Variants in TMTC2 observed in about 807,000 individuals in gnomAD.
The protein encoded by TMTC2 is protein O-mannosyl-transferase TMTC2.
A neutral mutation model predicts 82.4 loss-of-function variants in TMTC2; 43 were observed. The ratio of observed to expected loss-of-function variants is 0.52; its 90% confidence interval spans 0.41 to 0.67. The LOEUF is 0.67. Among genes scored for constraint, TMTC2 ranks in the 30% least tolerant of loss-of-function variants. The probability of loss-of-function intolerance (pLI) is 0.00; values close to 1 mark genes in which losing one functional copy is unlikely to be tolerated. For synonymous variants in TMTC2, 408 were observed against 381.9 expected, an observed-to-expected ratio of 1.07 and a Z score of -0.80; for missense variants, 919 against 1,012.4, an observed-to-expected ratio of 0.91 and a Z score of 1.25.
rs148879450 is a variant in TMTC2, at chr12:82,956,982, G to A, written c.1599-8042G>A. ...TGACAATGTTAGACAGATCATTGAGGCAGAAAACTAATAAATTCTGGACTT... is the reference window on the plus strand; with the variant it reads ...TGACAATGTTAGACAGATCATTGAGACAGAAAACTAATAAATTCTGGACTT... On this transcript the variant is annotated intron_variant, in intron 4 of 11. Coordinates refer to ENST00000321196, the MANE Select transcript of TMTC2 (RefSeq NM_152588.3). 3.1e-3 allele frequency among the ~76,000 whole-genome samples: 466 copies of A among 152,222 alleles called. 3 individuals are homozygous for A. The highest frequency in any genetic ancestry group is 0.011 in the African/African-American group (443 of 41,528).
At chr12:82,828,854 A>G (rs1869590656) in intron 1 of TMTC2, among the ~76,000 whole-genome samples, 1 of 152,132 alleles carries the variant, frequency 6.6e-6, no homozygotes, top group Admixed American at 6.5e-5. Context: ...TTCAGGGGCA[A>G]TAACTTGGAA....
intron 4 of TMTC2, among the ~76,000 whole-genome samples, chr12:82,954,940 T>C (rs1854021643): frequency 6.6e-6 from 1 of 152,258 alleles, no homozygotes; most frequent in Non-Finnish European, 1.5e-5. Flanking sequence ...GGTTAGACTT[T>C]TTAATGAAAA....
intron 2 of TMTC2, among the ~76,000 whole-genome samples, chr12:82,867,101 C>T (rs2137130183): frequency 6.6e-6 from 1 of 152,242 alleles, no homozygotes; most frequent in Non-Finnish European, 1.5e-5. Flanking sequence ...TCAGTGTGCC[C>T]TTGTTCTCTG....
intron 8 of TMTC2, among the ~76,000 whole-genome samples, chr12:82,995,697 T>C (rs1241853250): frequency 6.6e-6 from 1 of 152,266 alleles, no homozygotes; most frequent in Non-Finnish European, 1.5e-5. Flanking sequence ...ATCTCTTGTT[T>C]TCTTCATCTT....
intron 4 of TMTC2, among the ~76,000 whole-genome samples, chr12:82,943,985 AGAAAT>A (rs1216522900): frequency 6.6e-6 from 1 of 152,204 alleles, no homozygotes; most frequent in African/African-American, 2.4e-5. Context: ...TGAAGGAAAG[AGAAAT>A]GAAAAAGAAA....
At chr12:82,952,868 C>T (rs1332620305) in intron 4 of TMTC2, among the ~76,000 whole-genome samples, 9 of 152,056 alleles carry the variant, frequency 5.9e-5, no homozygotes, top group African/African-American at 1.2e-4. Context: ...CCACCACGCC[C>T]GGCAGCATTA....
chr12:83,076,293 T>C (rs1883281412), intron 11 of TMTC2, among the ~76,000 whole-genome samples: 1 of 152,252 alleles, frequency 6.6e-6, no homozygotes, highest in African/African-American at 2.4e-5. Flanking sequence ...TAAGTAGCTC[T>C]TGGCTATAAA....
In TMTC2 at chr12:83,133,553, C is replaced by A. The variant is rs1011055504; in HGVS notation, c.*1164C>A. 6 of 152,310 alleles carry A rather than the reference C, an allele frequency of 3.9e-5. No individual in the cohort carries two copies. The highest frequency in any genetic ancestry group is 1.4e-4 in the African/African-American group (6 of 41,568). The allele number at this position is 152,310 out of a possible 1,614,324, so 9.4% of individuals were successfully genotyped here. ...TGCAATAGAGTGTAGCATTAGCCTG[C>A]ATGTTTCTAGGTCTTCTGCCAAGTG... On this transcript the variant is annotated 3_prime_UTR_variant, in exon 12 of 12. Transcript: ENST00000321196.
chr12:82,977,642 A>T (rs1308509780), intron 7 of TMTC2, among the ~76,000 whole-genome samples: 1 of 151,834 alleles, frequency 6.6e-6, no homozygotes, highest in Non-Finnish European at 1.5e-5. Context: ...TTAGAAAATG[A>T]TACATATCTC....
intron 1 of TMTC2, among the ~76,000 whole-genome samples, chr12:82,788,809 C>G (rs541278884): frequency 5.9e-5 from 9 of 152,216 alleles, no homozygotes; most frequent in African/African-American, 1.7e-4. Context: ...TGCTGAAGTT[C>G]TAAACTCCTG....
chr12:82,711,178 A>C (rs1286722324), intron 1 of TMTC2, among the ~76,000 whole-genome samples: 1 of 152,180 alleles, frequency 6.6e-6, no homozygotes, highest in African/African-American at 2.4e-5. Context: ...ACCTCTGTAA[A>C]CTTGAGGAGT....
chr12:82,820,210 A>G (rs1031713362), intron 1 of TMTC2, among the ~76,000 whole-genome samples: 6 of 152,178 alleles, frequency 3.9e-5, no homozygotes, highest in African/African-American at 1.4e-4. Flanking sequence ...ATTGAGGGTG[A>G]GTCTGCCTTT....
At chr12:82,806,108 G>A (rs1211202446) in intron 1 of TMTC2, among the ~76,000 whole-genome samples, 1 of 152,116 alleles carries the variant, frequency 6.6e-6, no homozygotes, top group Non-Finnish European at 1.5e-5. Context: ...GGGGAGGGAA[G>A]CACTGGGAGG....
chr12:82,870,220 C>T (rs368638678), intron 2 of TMTC2, among the ~76,000 whole-genome samples: 18 of 152,144 alleles, frequency 1.2e-4, no homozygotes, highest in African/African-American at 3.9e-4. Flanking sequence ...TGTTCCCTTC[C>T]TCCCAGGTTC....
chr12:82,745,996 C>T (rs927190592), intron 1 of TMTC2, among the ~76,000 whole-genome samples: 4 of 152,194 alleles, frequency 2.6e-5, no homozygotes, highest in African/African-American at 9.7e-5. Flanking sequence ...CTTGAAGGTG[C>T]TGATCCTAAA....
chr12:82,938,727 A>G (rs1592642359), intron 4 of TMTC2, among the ~76,000 whole-genome samples: 1 of 152,184 alleles, frequency 6.6e-6, no homozygotes, highest in Admixed American at 6.5e-5. Flanking sequence ...CCTAATGCCT[A>G]GTATATAACG....
chr12:82,794,605 T>C (rs1158590831), intron 1 of TMTC2, among the ~76,000 whole-genome samples: 1 of 152,176 alleles, frequency 6.6e-6, no homozygotes, highest in Non-Finnish European at 1.5e-5. Flanking sequence ...TAAAGGCTTC[T>C]ATTATAAGCA....
chr12:82,861,785 A>G (rs1334727566), intron 2 of TMTC2, among the ~76,000 whole-genome samples: 1 of 152,232 alleles, frequency 6.6e-6, no homozygotes, highest in African/African-American at 2.4e-5. Context: ...TAAAATCTTC[A>G]GAAGTATGAA....
chr12:82,933,601 C>G (rs1172306304), intron 4 of TMTC2, among the ~76,000 whole-genome samples: 1 of 152,090 alleles, frequency 6.6e-6, no homozygotes, highest in Admixed American at 6.6e-5. Context: ...ATCACTTGTC[C>G]TATCATCAGT....
Sources: gnomAD v4.1 joint callset for allele counts (sites outside exome capture counted in the v4.1 genomes callset) on GRCh38, gnomAD v4.1.1 for gene constraint, MANE v1.5 for transcripts, NCBI Gene and HGNC (gene_info 2026-07-23, HGNC 2026-07-21) for gene names.